The following ZNF672 variants were observed in gnomAD, a reference collection of about 807,000 sequenced individuals.
ZNF672 encodes hypothetical protein FLJ22301.
For synonymous variants in ZNF672, 358 were observed against 305.6 expected, an observed-to-expected ratio of 1.17 and a Z score of -1.79; for missense variants, 733 against 701.1, an observed-to-expected ratio of 1.05 and a Z score of -0.51.
Position 248,847,083 on chromosome 1 carries a change from T to C in ZNF672, c.-192T>C. 1.4e-6 allele frequency: 1 copy of C among 728,170 alleles called. No homozygotes were observed. Among genetic ancestry groups the C allele is most frequent in the Non-Finnish European group, 2.2e-6 (1 of 456,562 alleles). The allele number at this position is 728,170 out of a possible 1,614,324, so 45.1% of individuals were successfully genotyped here. ...GGTGCAGGGTGAACCTGGCCACAGC[T>C]CACCCTGGAACAGCCACAATGTCTG... is the stretch of plus-strand genomic sequence containing the variant. On this transcript the variant is annotated 5_prime_UTR_variant, in exon 4 of 4. Transcript: ENST00000306562.
Position 248,844,520 on chromosome 1 carries a change from G to A in ZNF672, c.-437G>A, listed in dbSNP as rs889658555. Reference sequence around the variant, plus strand: ...AGCGTGACCCTTTTGCCTGTGGGATGAGCTCCAGCATGGGGTGAGGTACAG... The same window carrying A: ...AGCGTGACCCTTTTGCCTGTGGGATAAGCTCCAGCATGGGGTGAGGTACAG... On this transcript the variant is annotated 5_prime_UTR_variant, in exon 2 of 4. An upstream start codon of the reference 5' UTR is lost. Transcript: ENST00000306562. 2 of 152,212 alleles carry A rather than the reference G, an allele frequency of 1.3e-5. No homozygotes were observed. Among genetic ancestry groups the A allele is most frequent in the African/African-American group, 4.8e-5 (2 of 41,450 alleles). The allele number at this position is 152,212 out of a possible 1,614,324, so 9.4% of individuals were successfully genotyped here.
intron 2 of ZNF672, among the ~76,000 whole-genome samples, chr1:248,844,966 C>T (rs1052209406): frequency 8.5e-5 from 13 of 152,242 alleles, no homozygotes; most frequent in South Asian, 2.1e-4. Context: ...AAGGAGCTCT[C>T]TAAAGTCTAC....
At chr1:248,846,652 G>A (rs1323662060) in intron 3 of ZNF672, among the ~76,000 whole-genome samples, 2 of 152,186 alleles carry the variant, frequency 1.3e-5, no homozygotes, top group Non-Finnish European at 2.9e-5. Flanking sequence ...GGAGGAAGGC[G>A]TTGGTATAGT....
chr1:248,848,418 C>T lies in ZNF672; in HGVS notation c.1144C>T (p.Leu382Phe). ...CSKAFSVASKLALHRKTHLGE... is the reference protein window; with the variant it reads ...CSKAFSVASKFALHRKTHLGE... ...CAAGGCCTTCAGCGTCGCCTCCAAG[C>T]TTGCACTGCACCGCAAGACGCACCT... The change falls in exon 4 of 4, where the codon CTT (leucine) becomes TTT (phenylalanine). Residue 382 changes from leucine (L) to phenylalanine (F), a missense_variant. By Grantham distance (22) the Leu-to-Phe change is conservative (BLOSUM62 0). Transcript: ENST00000306562. 1 of 1,606,570 alleles carries T rather than the reference C, an allele frequency of 6.2e-7. No homozygotes were observed. The highest frequency in any genetic ancestry group is 1.6e-4 in the Middle Eastern group (1 of 6,062).
In ZNF672 at chr1:248,848,051, CTG is replaced by C; in HGVS notation, c.780_781del (p.Cys260TrpfsTer179). 4 of 1,549,302 alleles carry C rather than the reference CTG, an allele frequency of 2.6e-6. No homozygotes were observed. The highest frequency in any genetic ancestry group is 2.3e-5 in the South Asian group (2 of 85,492). On this transcript the variant is annotated frameshift_variant, in exon 4 of 4. Coordinates refer to ENST00000306562, the MANE Select transcript of ZNF672 (RefSeq NM_024836.3). LOFTEE classifies it low-confidence loss of function (END_TRUNC). ...GCGAGAAGCCGTACGCATGTGGCGA[CTG>C]TGGACGCTGCTTCAGCGAGAGTTCC... ...TGEKPYACGD[C>X]GRCFSESSTL...
chr1:248,842,065 TG>T (rs2103027833), intron 1 of ZNF672, among the ~76,000 whole-genome samples: 1 of 152,252 alleles, frequency 6.6e-6, no homozygotes, highest in East Asian at 1.9e-4. Flanking sequence ...TTTGAAGTAT[TG>T]GATTTTGTTT....
In ZNF672 at chr1:248,847,891, A is replaced by G. The variant is rs1403094280; in HGVS notation, c.617A>G (p.Lys206Arg). The G allele has an allele frequency of 2.5e-6, 4 of 1,589,338 alleles. No homozygotes were observed. The highest frequency in any genetic ancestry group is 2.2e-5 in the South Asian group (2 of 88,910). ...GCCCACCAGTGTGGCGTGTGCGGCA[A>G]GTGCTTTGGCAAGAGCTCTACGCTG... is the stretch of plus-strand genomic sequence containing the variant. ...SDAHQCGVCG[K>R]CFGKSSTLTR... is the part of the protein sequence containing the mutation. Residue 206 changes from lysine to arginine, a missense_variant, in exon 4 of 4, where the codon AAG (lysine) becomes AGG (arginine). Lys to Arg is a conservative substitution (Grantham distance 26). Transcript: ENST00000306562.
Position 248,847,776 on chromosome 1 carries a change from T to A in ZNF672, c.502T>A (p.Cys168Ser), listed in dbSNP as rs1168117145. The A allele has an allele frequency of 6.5e-7, 1 of 1,526,868 alleles. No individual in the cohort carries two copies. Among genetic ancestry groups the A allele is most frequent in the Non-Finnish European group, 8.8e-7 (1 of 1,138,672 alleles). The allele number at this position is 1,526,868 out of a possible 1,614,324, so 94.6% of individuals were successfully genotyped here. A position where few individuals can be genotyped will look rare whatever the true frequency, so the allele number is the denominator to read the frequency against. The change falls in exon 4 of 4, where the codon TGC (cysteine) becomes AGC (serine). Residue 168 changes from cysteine (C) to serine (S), a missense_variant. By Grantham distance (112) the Cys-to-Ser change is moderately radical (BLOSUM62 -1). Transcript: ENST00000306562. ...PAAPPHRCAQ[C>S]PRAFRSGAGL... ...TGCCCCACCCCACCGCTGCGCGCAGTGCCCGCGAGCCTTCCGAAGCGGCGC... is the reference window on the plus strand; with the variant it reads ...TGCCCCACCCCACCGCTGCGCGCAGAGCCCGCGAGCCTTCCGAAGCGGCGC...
chr1:248,846,141 G>C (rs1664757196), intron 3 of ZNF672, among the ~76,000 whole-genome samples: 1 of 152,216 alleles, frequency 6.6e-6, no homozygotes, highest in Non-Finnish European at 1.5e-5. Context: ...GGCTGAGACA[G>C]TGAGGAAATG....
chr1:248,847,152 T>G lies in ZNF672; in HGVS notation c.-123T>G. 7.4e-7 allele frequency: 1 copy of G among 1,343,578 alleles called. No individual in the cohort carries two copies. Among genetic ancestry groups the G allele is most frequent in the Non-Finnish European group, 9.9e-7 (1 of 1,006,032 alleles). The allele number at this position is 1,343,578 out of a possible 1,614,324, so 83.2% of individuals were successfully genotyped here. A position where few individuals can be genotyped will look rare whatever the true frequency, so the allele number is the denominator to read the frequency against. On this transcript the variant is annotated 5_prime_UTR_variant, in exon 4 of 4. Coordinates refer to ENST00000306562, the MANE Select transcript of ZNF672 (RefSeq NM_024836.3). ...TGAAATCAGACCAGTTTTTGCGGCC[T>G]CCCCCTTTCCTCTCTGTTACAGTGC...
chr1:248,843,252 G>A (rs1049711177), intron 1 of ZNF672, among the ~76,000 whole-genome samples: 3 of 152,200 alleles, frequency 2.0e-5, no homozygotes, highest in African/African-American at 7.2e-5. Context: ...CTGGGAGGAC[G>A]AAAGGGAAAC....
chr1:248,848,500 C>T lies in ZNF672; in HGVS notation c.1226C>T (p.Ser409Leu). The T allele has an allele frequency of 6.2e-7, 1 of 1,603,644 alleles. No individual in the cohort carries two copies. Among genetic ancestry groups the T allele is most frequent in the Non-Finnish European group, 8.5e-7 (1 of 1,175,090 alleles). Residue 409 changes from serine to leucine, a missense_variant, in exon 4 of 4, where the codon TCG (serine) becomes TTG (leucine). By Grantham distance (145) the Ser-to-Leu change is moderately radical. Coordinates refer to ENST00000306562, the MANE Select transcript of ZNF672 (RefSeq NM_024836.3). ...GGCAAGTGCTTCAGCCACAGCCGCT[C>T]GCTGTCACAGCATCAGCGGGCCCAC... Reference protein sequence around the residue: ...ECGKCFSHSRSLSQHQRAHTR... With the variant: ...ECGKCFSHSRLLSQHQRAHTR...
In ZNF672 at chr1:248,848,049, G is replaced by T; in HGVS notation, c.775G>T (p.Asp259Tyr). Residue 259 changes from aspartate to tyrosine, a missense_variant, in exon 4 of 4, where the codon GAC (aspartate) becomes TAC (tyrosine). Asp to Tyr is a radical substitution (Grantham distance 160, BLOSUM62 -3). Transcript: ENST00000306562. Reference protein sequence around the residue: ...HTGEKPYACGDCGRCFSESST... With the variant: ...HTGEKPYACGYCGRCFSESST... ...GGGCGAGAAGCCGTACGCATGTGGC[G>T]ACTGTGGACGCTGCTTCAGCGAGAG... 1 of 1,550,238 alleles carries T rather than the reference G, an allele frequency of 6.5e-7. No homozygotes were observed. The highest frequency in any genetic ancestry group is 8.7e-7 in the Non-Finnish European group (1 of 1,147,408).
intron 1 of ZNF672, among the ~76,000 whole-genome samples, chr1:248,844,193 A>T (rs990968949): frequency 1.3e-5 from 2 of 152,152 alleles, no homozygotes; most frequent in Non-Finnish European, 2.9e-5. Context: ...CCATTAGCTT[A>T]TCTTCCTTCT....
chr1:248,842,443 G>A (rs1664693328), intron 1 of ZNF672, among the ~76,000 whole-genome samples: 1 of 152,148 alleles, frequency 6.6e-6, no homozygotes, highest in Non-Finnish European at 1.5e-5. Flanking sequence ...CTGTCCCTTT[G>A]AGACAGGATA....
chr1:248,847,955 C>A lies in ZNF672; in HGVS notation c.681C>A (p.Phe227Leu). The change falls in exon 4 of 4, where the codon TTC becomes TTA. Residue 227 changes from phenylalanine to leucine, a missense_variant. Coordinates refer to ENST00000306562, the MANE Select transcript of ZNF672 (RefSeq NM_024836.3). ...AGACGCACTCGGGGGAGAAACCCTT[C>A]AAGTGCCCGGAGTGCGGCAAGGGCT... ...HLQTHSGEKP[F>L]KCPECGKGFL... is the part of the protein sequence containing the mutation. The A allele has an allele frequency of 6.4e-7, 1 of 1,568,886 alleles. No homozygotes were observed. The highest frequency in any genetic ancestry group is 2.4e-5 in the East Asian group (1 of 42,352).
chr1:248,848,187 C>T lies in ZNF672; in HGVS notation c.913C>T (p.His305Tyr). ...CGACCTGGTGGTGCACCAGCGCATC[C>T]ACACGGGCGAGAAGCCCTTCGCGTG... ...RSDLVVHQRI[H>Y]TGEKPFACPE... is the part of the protein sequence containing the mutation. Residue 305 changes from histidine (H) to tyrosine (Y), a missense_variant, in exon 4 of 4, where the codon CAC becomes TAC. His to Tyr is a moderately conservative substitution (Grantham distance 83). Transcript: ENST00000306562. 6.2e-7 allele frequency: 1 copy of T among 1,600,060 alleles called. No homozygotes were observed. Among genetic ancestry groups the T allele is most frequent in the Non-Finnish European group, 8.5e-7 (1 of 1,176,870 alleles).
Position 248,847,616 on chromosome 1 carries a change from G to A in ZNF672, c.342G>A (p.Leu114=), listed in dbSNP as rs746384978. The change falls in exon 4 of 4, where the codon CTG becomes CTA. Residue 114 remains leucine (L), a synonymous_variant. Coordinates refer to ENST00000306562, the MANE Select transcript of ZNF672 (RefSeq NM_024836.3). ...CGRRFPHLPA[L]LLHRRRQHLP... ...GGCGCTTCCCGCACCTCCCGGCGCT[G>A]CTGCTACACCGGCGCCGCCAGCATC... 1 of 1,529,074 alleles carries A rather than the reference G, an allele frequency of 6.5e-7. No individual in the cohort carries two copies. The highest frequency in any genetic ancestry group is 8.8e-7 in the Non-Finnish European group (1 of 1,141,444). The allele number at this position is 1,529,074 out of a possible 1,614,324, so 94.7% of individuals were successfully genotyped here.
At position 248,848,368 on chromosome 1, in the gene ZNF672, A is replaced by G. The variant is rs1204604836; in HGVS notation, c.1094A>G (p.Lys365Arg). ...NVHRRNHAGH[K>R]PHKCPECSKA... ...CATCGGCGCAACCATGCCGGCCACA[A>G]GCCACACAAATGCCCCGAGTGCAGC... The change falls in exon 4 of 4, where the codon AAG (lysine) becomes AGG (arginine). Residue 365 changes from lysine (K) to arginine (R), a missense_variant. Lys to Arg is a conservative substitution (Grantham distance 26). Coordinates refer to ENST00000306562, the MANE Select transcript of ZNF672 (RefSeq NM_024836.3). 1.9e-6 allele frequency: 3 copies of G among 1,602,272 alleles called. No homozygotes were observed. The highest frequency in any genetic ancestry group is 3.3e-5 in the Admixed American group (2 of 60,004).
Sources: allele counts gnomAD v4.1 joint callset (sites outside exome capture counted in the v4.1 genomes callset), GRCh38; gene constraint gnomAD v4.1.1; transcripts MANE v1.5; gene names NCBI Gene and HGNC (gene_info 2026-07-23, HGNC 2026-07-21).